TSHR: variants seen among roughly 807,000 people sequenced by gnomAD.
The protein encoded by TSHR is thyroid stimulating hormone receptor.
A neutral mutation model predicts 64.1 loss-of-function variants in TSHR; 51 were observed. That is an observed-to-expected ratio of 0.80 (90% CI 0.64 to 1.01). TSHR has a LOEUF of 1.01. TSHR is among the 50% of genes least tolerant of loss of function. TSHR has a pLI of 0.00. For synonymous variants in TSHR, 361 were observed against 361.9 expected, an observed-to-expected ratio of 1.00 and a Z score of 0.03; for missense variants, 877 against 942.8, an observed-to-expected ratio of 0.93 and a Z score of 0.91.
intron 8 of TSHR, among the ~76,000 whole-genome samples, chr14:81,114,695 G>A (rs1182397447): frequency 1.3e-5 from 2 of 152,212 alleles, no homozygotes; most frequent in Non-Finnish European, 2.9e-5. Context: ...AAGGAGGCCT[G>A]CCTGCCTCTG....
intron 7 of TSHR, 44 bp downstream of exon 7, chr14:81,096,751 T>G (rs1457495773): frequency 1.3e-6 from 2 of 1,596,866 alleles, no homozygotes; most frequent in Non-Finnish European, 1.7e-6. Context: ...TCCCTTACCC[T>G]AAGAACCATC....
At chr14:81,127,615 T>C (rs756418582) in intron 8 of TSHR, among the ~76,000 whole-genome samples, 2 of 152,190 alleles carry the variant, frequency 1.3e-5, no homozygotes, top group African/African-American at 4.8e-5. Flanking sequence ...CAGTGGGAGA[T>C]AATTGAATCA....
chr14:81,081,278 G>A (rs982481499), intron 3 of TSHR, among the ~76,000 whole-genome samples: 1 of 151,642 alleles, frequency 6.6e-6, no homozygotes, highest in African/African-American at 2.4e-5. Flanking sequence ...ATGTATGTAT[G>A]TATATATATA....
chr14:81,113,844 G>A (rs146411132), intron 8 of TSHR, among the ~76,000 whole-genome samples: 1 of 152,000 alleles, frequency 6.6e-6, no homozygotes. Flanking sequence ...ACTGAAGCTG[G>A]TCAGTCTCAT....
intron 1 of TSHR, chr14:80,983,394 G>A: frequency 8.7e-7 from 1 of 1,155,014 alleles, no homozygotes; most frequent in Non-Finnish European, 1.2e-6. Context: ...TGTTTTGAAA[G>A]TAATTTTAAA....
chr14:81,075,865 A>G (rs1408049964), intron 3 of TSHR, among the ~76,000 whole-genome samples: 1 of 152,070 alleles, frequency 6.6e-6, no homozygotes, highest in East Asian at 1.9e-4. Flanking sequence ...TTGTGACATT[A>G]TTCACAATAG....
intron 7 of TSHR, 74 bp from the exon 8 acceptor site, chr14:81,108,301 T>G: frequency 8.4e-7 from 1 of 1,183,946 alleles, no homozygotes; most frequent in Non-Finnish European, 1.3e-6. Flanking sequence ...TATTCTGATA[T>G]TTGTACTAAT....
At chr14:81,041,167 T>C (rs956110702) in intron 1 of TSHR, among the ~76,000 whole-genome samples, 2 of 152,088 alleles carry the variant, frequency 1.3e-5, no homozygotes, top group African/African-American at 4.8e-5. Context: ...TACTCATTAC[T>C]AGGTATATAC....
chr14:81,056,418 T>C (rs1172719535), intron 1 of TSHR, among the ~76,000 whole-genome samples: 1 of 152,188 alleles, frequency 6.6e-6, no homozygotes, highest in East Asian at 1.9e-4. Flanking sequence ...TGTACATATA[T>C]GCATACATAT....
chr14:81,023,958 T>G (rs1473305174), intron 1 of TSHR, among the ~76,000 whole-genome samples: 1 of 152,190 alleles, frequency 6.6e-6, no homozygotes, highest in African/African-American at 2.4e-5. Context: ...ACACCTACTA[T>G]GTACCCCCTA....
At chr14:81,138,187 A>ATTT (rs368195048) in intron 8 of TSHR, among the ~76,000 whole-genome samples, 38 of 130,366 alleles carry the variant, frequency 2.9e-4, no homozygotes, top group African/African-American at 7.6e-4. Context: ...GCCAAGGGTA[A>ATTT]TTTTTTTTTT....
intron 7 of TSHR, among the ~76,000 whole-genome samples, chr14:81,108,107 A>G (rs1290411182): frequency 1.3e-5 from 2 of 152,304 alleles, no homozygotes; most frequent in Admixed American, 6.5e-5. Context: ...GGGAATTAAA[A>G]CAACTTTTAA....
At chr14:81,134,578 G>A (rs1891379155) in intron 8 of TSHR, among the ~76,000 whole-genome samples, 1 of 152,096 alleles carries the variant, frequency 6.6e-6, no homozygotes, top group South Asian at 2.1e-4. Context: ...AACAGAACAG[G>A]CAGTATTTCA....
At chr14:80,999,412 A>T (rs1374285165) in intron 1 of TSHR, among the ~76,000 whole-genome samples, 1 of 152,152 alleles carries the variant, frequency 6.6e-6, no homozygotes, top group Non-Finnish European at 1.5e-5. Context: ...TCCATTCTGT[A>T]TACCACATGA....
At chr14:80,960,739 GA>G (rs1424509543) in intron 1 of TSHR, among the ~76,000 whole-genome samples, 6 of 151,940 alleles carry the variant, frequency 3.9e-5, no homozygotes, top group African/African-American at 7.3e-5. Flanking sequence ...GGTTAAGGAA[GA>G]AAAAAAATAT....
chr14:81,110,128 G>T (rs1890163430), intron 8 of TSHR, among the ~76,000 whole-genome samples: 1 of 152,070 alleles, frequency 6.6e-6, no homozygotes, highest in Admixed American at 6.5e-5. Context: ...AATTCTGTTT[G>T]GTTCAAATCA....
rs187266421 is a variant in TSHR at position 81,104,476 on chromosome 14, G to A, written c.615-3899G>A. The A allele has an allele frequency of 8.4e-4, 823 of 985,346 alleles. 11 individuals are homozygous for A. In the Middle Eastern group the frequency reaches 0.015, roughly 18 times the overall value. The allele number at this position is 985,346 out of a possible 1,614,324, so 61.0% of individuals were successfully genotyped here. On this transcript the variant is annotated intron_variant, in intron 7 of 9. Coordinates refer to ENST00000298171, the MANE Select transcript of TSHR (RefSeq NM_000369.5). ...CAGCAATAGCAAATTCTCTTGCCAC[G>A]ACATCACACTCCTCTCTCTGGCATA...
chr14:81,021,362 C>A (rs1883740885), intron 1 of TSHR, among the ~76,000 whole-genome samples: 1 of 152,138 alleles, frequency 6.6e-6, no homozygotes, highest in South Asian at 2.1e-4. Context: ...CTCATCCCAC[C>A]ATCTTACACT....
chr14:81,102,763 G>T lies in TSHR; in HGVS notation c.615-5612G>T, dbSNP rs183726132. On this transcript the variant is annotated intron_variant, in intron 7 of 9. Transcript: ENST00000298171. ...GAGGGTCATAGTTTGTAGACCTCTGGATAAAAGTATTCAGTGAGGATGACC... is the reference window on the plus strand; with the variant it reads ...GAGGGTCATAGTTTGTAGACCTCTGTATAAAAGTATTCAGTGAGGATGACC... 1.0e-5 allele frequency: 10 copies of T among 984,438 alleles called. No homozygotes were observed. The East Asian group carries it at 1.1e-3, about 112-fold the overall frequency. The allele number at this position is 984,438 out of a possible 1,614,324, so 61.0% of individuals were successfully genotyped here. A position where few individuals can be genotyped will look rare whatever the true frequency, so the allele number is the denominator to read the frequency against.
Sources: gnomAD v4.1 joint callset for allele counts (sites outside exome capture counted in the v4.1 genomes callset) on GRCh38, gnomAD v4.1.1 for gene constraint, MANE v1.5 for transcripts, NCBI Gene and HGNC (gene_info 2026-07-23, HGNC 2026-07-21) for gene names.